PIH1D1: variants seen among roughly 807,000 people sequenced by gnomAD.
PIH1D1 encodes the protein PIH1 domain containing 1.
In PIH1D1, 28 loss-of-function variants were observed where a neutral mutation model predicts 38.5. The ratio of observed to expected loss-of-function variants is 0.73; its 90% CI spans 0.54 to 1.00. The LOEUF (loss-of-function observed/expected upper bound fraction) is 1.00, where lower values mean the gene tolerates loss of function less well. Ranked by LOEUF, PIH1D1 falls within the 50% of genes least tolerant of loss-of-function variation. PIH1D1 has a pLI of 0.00. For missense variants in PIH1D1, 343 were observed against 369.9 expected (o/e 0.93, Z 0.60); for synonymous variants, 155 against 153.5 (o/e 1.01, Z -0.07).
chr19:49,450,155 G>A (rs373458519), intron 2 of PIH1D1, among the ~76,000 whole-genome samples: 1 of 151,966 alleles, frequency 6.6e-6, no homozygotes, highest in Non-Finnish European at 1.5e-5. Context: ...GCAGTGGTAC[G>A]ATCTTGGCTC....
chr19:49,450,677 A>ACC lies in PIH1D1; in HGVS notation c.157+103_157+104dup. 14 of 353,418 alleles carry ACC rather than the reference A, an allele frequency of 4.0e-5. 1 individual carries two copies. The highest frequency in any genetic ancestry group is 1.3e-4 in the East Asian group (2 of 15,576). 21.9% of individuals were successfully genotyped at this position (353,418 alleles called of 1,614,324 possible). On this transcript the variant is annotated intron_variant, in intron 2 of 8. Coordinates refer to ENST00000262265, the MANE Select transcript of PIH1D1 (RefSeq NM_017916.3). ...GGATGATCTCTGTGGGTGTCTGCTC[A>ACC]CCCCACCCCCACCCTAGGCCTTTAT...
At chr19:49,448,380 G>A (rs1287227011) in intron 3 of PIH1D1, 5 of 406,544 alleles carry the variant, frequency 1.2e-5, no homozygotes, top group Admixed American at 1.2e-4. Context: ...ACCCTATGTG[G>A]TCTGCCCCTC....
Position 49,446,457 on chromosome 19 carries a change from G to A in PIH1D1, c.832-34C>T, listed in dbSNP as rs966240594. 3.1e-6 allele frequency: 4 copies of A among 1,295,074 alleles called. No homozygotes were observed. The African/African-American group carries it at 4.4e-5, about 14-fold the overall frequency. 80.2% of individuals were successfully genotyped at this position (1,295,074 alleles called of 1,614,324 possible). On this transcript the variant is annotated intron_variant, in intron 8 of 8. Coordinates refer to ENST00000262265, the MANE Select transcript of PIH1D1 (RefSeq NM_017916.3). ...ACAGAGCAAAGAGAATGAGGATCCA[G>A]GACCCAGAAGTCCAGCTCCCAGCCC...
rs770108295 is a variant in PIH1D1 at position 49,447,410 on chromosome 19, C to T, written c.539G>A (p.Arg180His). The T allele has an allele frequency of 3.1e-6, 5 of 1,613,158 alleles. No individual in the cohort carries two copies. Among genetic ancestry groups the T allele is most frequent in the Middle Eastern group, 3.3e-4 (2 of 6,062 alleles). The change falls in exon 6 of 9, where the codon CGC becomes CAC. Residue 180 changes from arginine to histidine, a missense_variant. Arg to His is a conservative substitution (Grantham distance 29, BLOSUM62 0). Transcript: ENST00000262265. The part of the protein sequence containing the change: ...FMGSISQQNI[R>H]SEQRPRIQEL... ...CTGGATCCGAGGACGCTGCTCCGAG[C>T]GGATGTTCTGCTGCGAGATGGAGCC...
At chr19:49,448,133 G>A (rs1482136674) in intron 3 of PIH1D1, 71 bp from the exon 4 acceptor site, 17 of 1,474,938 alleles carry the variant, frequency 1.2e-5, no homozygotes, top group Non-Finnish European at 1.6e-5. Flanking sequence ...ACCCAGACAG[G>A]GAAGAAACAT....
Position 49,447,995 on chromosome 19 carries a change from C to T in PIH1D1, c.399+6G>A. 5 of 1,614,204 alleles carry T rather than the reference C, an allele frequency of 3.1e-6. No homozygotes were observed. The highest frequency in any genetic ancestry group is 4.2e-6 in the Non-Finnish European group (5 of 1,180,020). ...CCCAGGCCTCAACCGCAGCCCCGCCCCCAACCTGCATCCTCCGGTAGAAGT... is the reference window on the plus strand; with the variant it reads ...CCCAGGCCTCAACCGCAGCCCCGCCTCCAACCTGCATCCTCCGGTAGAAGT... On this transcript the variant is annotated splice_donor_region_variant and intron_variant, in intron 4 of 8. Coordinates refer to ENST00000262265, the MANE Select transcript of PIH1D1 (RefSeq NM_017916.3).
At chr19:49,450,407 T>G (rs1019480764) in intron 2 of PIH1D1, among the ~76,000 whole-genome samples, 3 of 78,606 alleles carry the variant, frequency 3.8e-5, no homozygotes, top group Non-Finnish European at 1.0e-4. Flanking sequence ...TTCCTATCTT[T>G]GTTGTTGTTG....
Position 49,451,798 on chromosome 19 carries a change from C to G in PIH1D1, c.-224G>C. On this transcript the variant is annotated 5_prime_UTR_variant, in exon 1 of 9. Coordinates refer to ENST00000262265, the MANE Select transcript of PIH1D1 (RefSeq NM_017916.3). ...TCTAGACGCACTACCCTCCGTCCTACGTGCCGAACTGTAAACGAAGCCACA... is the reference window on the plus strand; with the variant it reads ...TCTAGACGCACTACCCTCCGTCCTAGGTGCCGAACTGTAAACGAAGCCACA... The G allele has an allele frequency of 7.5e-7, 1 of 1,328,594 alleles. No individual in the cohort carries two copies. Among genetic ancestry groups the G allele is most frequent in the Non-Finnish European group, 9.8e-7 (1 of 1,022,792 alleles). The allele number at this position is 1,328,594 out of a possible 1,614,324, so 82.3% of individuals were successfully genotyped here. A position where few individuals can be genotyped will look rare whatever the true frequency, so the allele number is the denominator to read the frequency against.
chr19:49,448,479 A>G (rs1487308145), intron 3 of PIH1D1: 2 of 244,296 alleles, frequency 8.2e-6, no homozygotes, highest in Non-Finnish European at 1.6e-5. Flanking sequence ...ATCCAATCCA[A>G]TCATTCTCTC....
At chr19:49,448,356 G>A (rs2122329729) in intron 3 of PIH1D1, 2 of 463,490 alleles carry the variant, frequency 4.3e-6, no homozygotes, top group East Asian at 4.1e-5. Flanking sequence ...AGCCCCACAA[G>A]CCTGGCGTTG....
rs753215901 is a variant in PIH1D1 at position 49,451,504 on chromosome 19, A to G, written c.71T>C (p.Phe24Ser). 6.2e-7 allele frequency: 1 copy of G among 1,613,832 alleles called. No individual in the cohort carries two copies. Among genetic ancestry groups the G allele is most frequent in the South Asian group, 1.1e-5 (1 of 91,064 alleles). ...CTGCACCTGCAGCAGCAGCTCCTCA[A>G]ATCGCGCCGAATCAGCACCGATCGC... ...AEAIGADSAR[F>S]EELLLQASKE... The change falls in exon 1 of 9, where the codon TTT (phenylalanine) becomes TCT (serine). Residue 24 changes from phenylalanine to serine, a missense_variant. Phe to Ser is a radical substitution (Grantham distance 155). Transcript: ENST00000262265.
In PIH1D1 at chr19:49,446,480, C is replaced by G; in HGVS notation, c.832-57G>C. The G allele has an allele frequency of 2.7e-6, 4 of 1,498,648 alleles. No individual in the cohort carries two copies. In the South Asian group the frequency reaches 4.5e-5, roughly 17 times the overall value. 92.8% of individuals were successfully genotyped at this position (1,498,648 alleles called of 1,614,324 possible). ...CAGGACCCAGAAGTCCAGCTCCCAG[C>G]CCCCCTCCCTGGGAGACAGAGTCCA... On this transcript the variant is annotated intron_variant, in intron 8 of 8. Transcript: ENST00000262265.
intron 6 of PIH1D1, 101 bp downstream of exon 6, chr19:49,447,237 G>T: frequency 6.5e-7 from 1 of 1,540,740 alleles, no homozygotes; most frequent in Non-Finnish European, 8.9e-7. Flanking sequence ...CCCTCTCTCA[G>T]TGCCCAGGGC....
chr19:49,451,481 G>A lies in PIH1D1; in HGVS notation c.90+4C>T. ...TCAAGGATCCAGGGGTCCGGTCACTGCACCTGCAGCAGCAGCTCCTCAAAT... is the reference window on the plus strand; with the variant it reads ...TCAAGGATCCAGGGGTCCGGTCACTACACCTGCAGCAGCAGCTCCTCAAAT... On this transcript the variant is annotated splice_donor_region_variant and intron_variant, in intron 1 of 8. Coordinates refer to ENST00000262265, the MANE Select transcript of PIH1D1 (RefSeq NM_017916.3). The A allele has an allele frequency of 6.2e-7, 1 of 1,613,622 alleles. No individual in the cohort carries two copies. The highest frequency in any genetic ancestry group is 1.6e-4 in the Middle Eastern group (1 of 6,062).
chr19:49,449,985 G>C (rs1033356524), intron 2 of PIH1D1, among the ~76,000 whole-genome samples: 1 of 151,980 alleles, frequency 6.6e-6, no homozygotes, highest in Admixed American at 6.6e-5. Context: ...AGTAGAGATG[G>C]AGTTTCACCA....
At chr19:49,450,098 T>C (rs1371878175) in intron 2 of PIH1D1, among the ~76,000 whole-genome samples, 1 of 151,288 alleles carries the variant, frequency 6.6e-6, no homozygotes, top group East Asian at 1.9e-4. Flanking sequence ...GTTTTCTCCT[T>C]GTTTGTTTTT....
intron 3 of PIH1D1, chr19:49,448,593 C>A: frequency 5.5e-6 from 1 of 181,328 alleles, no homozygotes; most frequent in Non-Finnish European, 1.2e-5. Context: ...GAAGCCTTCC[C>A]TGACCCCTTC....
Position 49,448,025 on chromosome 19 carries a change from G to A in PIH1D1, c.375C>T (p.Asn125=). 6.2e-7 allele frequency: 1 copy of A among 1,614,220 alleles called. No homozygotes were observed. The highest frequency in any genetic ancestry group is 8.5e-7 in the Non-Finnish European group (1 of 1,180,024). Reference sequence around the variant, plus strand: ...CCTGCATCCTCCGGTAGAAGTCGCTGTTGACAGCTACGTCGTAGGCGGTAC... The same window carrying A: ...CCTGCATCCTCCGGTAGAAGTCGCTATTGACAGCTACGTCGTAGGCGGTAC... The part of the protein sequence containing the change: ...QGCTAYDVAV[N]SDFYRRMQNS... The change falls in exon 4 of 9, where the codon AAC becomes AAT. Residue 125 remains asparagine, a synonymous_variant. Transcript: ENST00000262265.
In PIH1D1 at chr19:49,451,600, C is replaced by T. The variant is rs754297603; in HGVS notation, c.-26G>A. 6.2e-7 allele frequency: 1 copy of T among 1,610,306 alleles called. No homozygotes were observed. Among genetic ancestry groups the T allele is most frequent in the South Asian group, 1.1e-5 (1 of 91,010 alleles). On this transcript the variant is annotated 5_prime_UTR_variant, in exon 1 of 9. Transcript: ENST00000262265. Reference sequence around the variant, plus strand: ...GGCCCTGGGAAAGAGATCTAGGCGTCCTCGAGACCCTCAACGTGGGAAACT... The same window carrying T: ...GGCCCTGGGAAAGAGATCTAGGCGTTCTCGAGACCCTCAACGTGGGAAACT...
Sources: allele counts gnomAD v4.1 joint callset (sites outside exome capture counted in the v4.1 genomes callset), GRCh38; gene constraint gnomAD v4.1.1; transcripts MANE v1.5; gene names NCBI Gene and HGNC (gene_info 2026-07-23, HGNC 2026-07-21).